Variants in FCHO2 observed in about 807,000 individuals in gnomAD.
The protein encoded by FCHO2 is F-BAR domain only protein 2.
FCHO2 carries 43 observed loss-of-function variants against 114.1 expected under a neutral mutation model. The observed-to-expected ratio is 0.38, with a 90% CI of 0.30 to 0.49. The LOEUF (loss-of-function observed/expected upper bound fraction) is 0.49. Ranked by LOEUF, FCHO2 falls within the 20% of genes least tolerant of loss-of-function variation. FCHO2 has a pLI of 0.97. For synonymous variants in FCHO2, 293 were observed against 315.2 expected, an observed-to-expected ratio of 0.93 and a Z score of 0.75; for missense variants, 807 against 950.4, an observed-to-expected ratio of 0.85 and a Z score of 1.98.
chr5:73,027,590 G>A (rs538964069), intron 8 of FCHO2, among the ~76,000 whole-genome samples: 1 of 151,996 alleles, frequency 6.6e-6, no homozygotes, highest in East Asian at 1.9e-4. Flanking sequence ...GTTCCCAGTG[G>A]CCAAAGCTGG....
At chr5:72,966,369 T>G (rs1052932552) in intron 1 of FCHO2, among the ~76,000 whole-genome samples, 2 of 152,174 alleles carry the variant, frequency 1.3e-5, no homozygotes, top group Non-Finnish European at 2.9e-5. Context: ...AGGCTGGTCT[T>G]GAACACCTGG....
intron 2 of FCHO2, among the ~76,000 whole-genome samples, chr5:72,986,750 A>G (rs373298543): frequency 1.3e-5 from 2 of 152,350 alleles, no homozygotes; most frequent in East Asian, 3.9e-4. Flanking sequence ...GCATATACAT[A>G]GCAAGAAATC....
At chr5:73,018,588 C>G (rs1284125853) in intron 8 of FCHO2, among the ~76,000 whole-genome samples, 1 of 150,788 alleles carries the variant, frequency 6.6e-6, no homozygotes, top group South Asian at 2.1e-4. Flanking sequence ...CAATAAGGCA[C>G]AACCGTGGAT....
chr5:73,030,442 C>G (rs1756176704), intron 8 of FCHO2, among the ~76,000 whole-genome samples: 1 of 152,242 alleles, frequency 6.6e-6, no homozygotes, highest in South Asian at 2.1e-4. Flanking sequence ...TAGCATCACA[C>G]TACATGAATG....
rs773680144 is a variant in FCHO2, at chr5:73,074,877, G to A, written c.1691+24G>A. On this transcript the variant is annotated intron_variant, in intron 20 of 25. Transcript: ENST00000430046. The stretch of plus-strand genomic sequence containing the variant: ...AAGTTAGTTTTTAAAATATATGCAT[G>A]TATGTGTATGTATGTGTGTTGGGTG... The A allele has an allele frequency of 2.6e-6, 4 of 1,541,034 alleles. No homozygotes were observed. In the South Asian group the frequency reaches 4.7e-5, roughly 18 times the overall value.
chr5:73,068,856 A>G, intron 19 of FCHO2, 77 bp downstream of exon 19: 5 of 1,432,476 alleles, frequency 3.5e-6, no homozygotes, highest in Non-Finnish European at 4.7e-6. Context: ...ATATTTTTAA[A>G]TGGGCTAATG....
rs1743449780 is a variant in FCHO2 at position 73,090,361 on chromosome 5, A to G, written c.*2271A>G. 6.6e-6 allele frequency: 1 copy of G among 152,614 alleles called. No individual in the cohort carries two copies. Among genetic ancestry groups the G allele is most frequent in the African/African-American group, 2.4e-5 (1 of 41,462 alleles). The allele number at this position is 152,614 out of a possible 1,614,324, so 9.5% of individuals were successfully genotyped here. On this transcript the variant is annotated 3_prime_UTR_variant, in exon 26 of 26. Coordinates refer to ENST00000430046, the MANE Select transcript of FCHO2 (RefSeq NM_138782.3). ...ACCAAGAATTTGTAAACACAACTCT[A>G]ATAAATGTGAGTTTTAAAGGATTGT...
At chr5:73,080,585 A>G (rs1443823766) in intron 22 of FCHO2, among the ~76,000 whole-genome samples, 1 of 152,230 alleles carries the variant, frequency 6.6e-6, no homozygotes, top group Non-Finnish European at 1.5e-5. Flanking sequence ...GGAAGGATAT[A>G]TGCCAGGATT....
At chr5:72,980,028 T>C (rs1753115338) in intron 2 of FCHO2, among the ~76,000 whole-genome samples, 1 of 152,194 alleles carries the variant, frequency 6.6e-6, no homozygotes, top group South Asian at 2.1e-4. Context: ...GTTCTTTTAA[T>C]TGTGATGTTA....
chr5:73,039,561 A>G (rs553380801), intron 10 of FCHO2, among the ~76,000 whole-genome samples: 1 of 152,294 alleles, frequency 6.6e-6, no homozygotes, highest in African/African-American at 2.4e-5. Flanking sequence ...GAAAAATATA[A>G]TGTTTCTCAT....
At chr5:72,962,948 A>G (rs1243413821) in intron 1 of FCHO2, among the ~76,000 whole-genome samples, 2 of 152,118 alleles carry the variant, frequency 1.3e-5, no homozygotes, top group African/African-American at 2.4e-5. Flanking sequence ...GTCCAAAAAG[A>G]TAAGTATAAA....
At chr5:72,987,339 GTTTA>G (rs957218840) in intron 2 of FCHO2, among the ~76,000 whole-genome samples, 2 of 151,636 alleles carry the variant, frequency 1.3e-5, no homozygotes, top group Non-Finnish European at 2.9e-5. Flanking sequence ...ATGTTTGTTT[GTTTA>G]TTTATTTATT....
intron 6 of FCHO2, among the ~76,000 whole-genome samples, chr5:73,007,314 T>C (rs1464739900): frequency 6.6e-6 from 1 of 152,234 alleles, no homozygotes; most frequent in African/African-American, 2.4e-5. Flanking sequence ...GGCTGGTGGA[T>C]GAACTCCTTT....
chr5:72,997,474 T>C (rs774222985), intron 5 of FCHO2: 209 of 1,561,768 alleles, frequency 1.3e-4, no homozygotes, highest in Non-Finnish European at 1.3e-4. Context: ...TGGCTAACTC[T>C]CCAGGGGTTT....
rs1162318703 is a variant in FCHO2, at chr5:72,976,756, A to G, written c.125+8167A>G. The stretch of plus-strand genomic sequence containing the variant: ...TCATCCACATTAGGTCTTTCTCCTA[A>G]TGCTATCCCTCCCCCAGCCCCCCAG... On this transcript the variant is annotated intron_variant, in intron 2 of 25. Transcript: ENST00000430046. Among the ~76,000 whole-genome samples, 13 of 151,870 alleles carry G rather than the reference A, an allele frequency of 8.6e-5. No homozygotes were observed. The South Asian group carries it at 2.1e-3, about 24-fold the overall frequency.
chr5:73,056,648 A>G (rs1409500803), intron 16 of FCHO2, among the ~76,000 whole-genome samples: 1 of 152,176 alleles, frequency 6.6e-6, no homozygotes, highest in African/African-American at 2.4e-5. Context: ...AATCTATTTA[A>G]CCACAGTTGG....
At chr5:72,999,322 TAAATA>T (rs1754299264) in intron 5 of FCHO2, among the ~76,000 whole-genome samples, 1 of 151,270 alleles carries the variant, frequency 6.6e-6, no homozygotes. Flanking sequence ...CTTAAAAACA[TAAATA>T]CTATAGGTGT....
intron 11 of FCHO2, among the ~76,000 whole-genome samples, chr5:73,043,461 A>G (rs950589118): frequency 6.6e-6 from 1 of 152,080 alleles, no homozygotes; most frequent in African/African-American, 2.4e-5. Context: ...GTATACATAT[A>G]CACACATATA....
rs371634316 is a variant in FCHO2, at chr5:73,041,302, A to G, written c.926A>G (p.Asp309Gly). The G allele has an allele frequency of 6.8e-7, 1 of 1,480,822 alleles. No individual in the cohort carries two copies. The highest frequency in any genetic ancestry group is 2.3e-5 in the East Asian group (1 of 43,346). 91.7% of individuals were successfully genotyped at this position (1,480,822 alleles called of 1,614,324 possible). A position where few individuals can be genotyped will look rare whatever the true frequency, so the allele number is the denominator to read the frequency against. Residue 309 changes from aspartate (D) to glycine (G), a missense_variant, in exon 11 of 26, where the codon GAT (aspartate) becomes GGT (glycine). Physicochemically the swap from Asp to Gly is moderately conservative, Grantham distance 94. Transcript: ENST00000430046. ...EKDAESVECP[D>G]ADSLNIPDVD... ...TTTTGTTTTAATAGGGAATGTCCTGATGCAGATTCATTGGTAAGTAGATTT... is the reference window on the plus strand; with the variant it reads ...TTTTGTTTTAATAGGGAATGTCCTGGTGCAGATTCATTGGTAAGTAGATTT...
Sources: allele counts gnomAD v4.1 joint callset (sites outside exome capture counted in the v4.1 genomes callset), GRCh38; gene constraint gnomAD v4.1.1; transcripts MANE v1.5; gene names NCBI Gene and HGNC (gene_info 2026-07-23, HGNC 2026-07-21).